SLC60A1: variants seen among roughly 807,000 people sequenced by gnomAD.
SLC60A1 encodes major facilitator superfamily domain containing 4.
chr1:205,592,164 G>A, the SLC60A1 span: 5 of 1,614,122 alleles, frequency 3.1e-6, no homozygotes, highest in South Asian at 1.1e-5. Flanking sequence ...GACGTTCCTG[G>A]TGCTGCTTAT....
the SLC60A1 span, chr1:205,579,918 T>C: frequency 6.2e-7 from 1 of 1,614,080 alleles, no homozygotes; most frequent in Non-Finnish European, 8.5e-7. Flanking sequence ...CTGGTAAGGA[T>C]GTACCAGAAG....
At chr1:205,584,260 C>T in the SLC60A1 span, 4,469 of 1,032,544 alleles carry the variant, frequency 4.3e-3, 92 homozygotes, top group Admixed American at 0.053. Flanking sequence ...TCACTCTCGT[C>T]GCCCAGGCTG....
chr1:205,582,105 C>T, the SLC60A1 span, among the ~76,000 whole-genome samples: 2 of 152,246 alleles, frequency 1.3e-5, no homozygotes. Context: ...CTGCTCCTTC[C>T]CTTTTCAGCC....
At chr1:205,598,480 C>G in the SLC60A1 span, 2 of 153,020 alleles carry the variant, frequency 1.3e-5, no homozygotes, top group Non-Finnish European at 2.9e-5. Context: ...CTTCCAGAAA[C>G]TGACAGAGAG....
the SLC60A1 span, chr1:205,599,086 G>T: frequency 1.2e-6 from 2 of 1,610,584 alleles, no homozygotes; most frequent in Non-Finnish European, 1.7e-6. Flanking sequence ...CACCTTCCAC[G>T]TGAAGTTTTA....
chr1:205,579,962 A>G, the SLC60A1 span: 3 of 1,609,694 alleles, frequency 1.9e-6, no homozygotes, highest in Non-Finnish European at 2.5e-6. Flanking sequence ...AAGCCCGGCC[A>G]GCAGGCACAG....
chr1:205,602,134 G>C, the SLC60A1 span: 1 of 152,216 alleles, frequency 6.6e-6, no homozygotes, highest in Admixed American at 6.5e-5. Flanking sequence ...TAGAGTAACT[G>C]TATAATGGTT....
chr1:205,594,996 T>TGAG, the SLC60A1 span: 6 of 152,246 alleles, frequency 3.9e-5, no homozygotes, highest in East Asian at 1.2e-3. Context: ...CACCTAGAGG[T>TGAG]GAGGACCATG....
chr1:205,569,106 C>T, the SLC60A1 span: 10 of 1,517,686 alleles, frequency 6.6e-6, no homozygotes, highest in Admixed American at 1.9e-4. Flanking sequence ...GCTGCTCCGC[C>T]GCAACCTGCA....
chr1:205,583,007 C>T, the SLC60A1 span, among the ~76,000 whole-genome samples: 5 of 152,204 alleles, frequency 3.3e-5, no homozygotes, highest in African/African-American at 1.2e-4. Flanking sequence ...TAGCTGGGCG[C>T]TCTCACCAGC....
chr1:205,594,994 G>C, the SLC60A1 span: 1 of 152,208 alleles, frequency 6.6e-6, no homozygotes, highest in Non-Finnish European at 1.5e-5. Context: ...TGCACCTAGA[G>C]GTGAGGACCA....
the SLC60A1 span, chr1:205,569,402 C>G: frequency 1.2e-6 from 1 of 810,972 alleles, no homozygotes; most frequent in Non-Finnish European, 1.6e-6. Context: ...TCCCCCGGCC[C>G]CGTGGGGCTG....
At chr1:205,580,080 G>A in the SLC60A1 span, 1 of 983,882 alleles carries the variant, frequency 1.0e-6, no homozygotes, top group Admixed American at 2.6e-5. The surrounding 1 kb of genome is among the most constrained non-coding windows in gnomAD (Gnocchi z 5.0). Context: ...TCTAGACTCG[G>A]TTTTCCCATC....
the SLC60A1 span, chr1:205,592,328 C>T: frequency 6.4e-7 from 1 of 1,563,502 alleles, no homozygotes; most frequent in East Asian, 2.3e-5. Flanking sequence ...CTCTATCTAG[C>T]TGGGCGCCGC....
chr1:205,592,157 G>T, the SLC60A1 span: 12 of 1,614,126 alleles, frequency 7.4e-6, no homozygotes, highest in Non-Finnish European at 8.5e-6. Context: ...TGGTGGTGAC[G>T]TTCCTGGTGC....
At chr1:205,570,630 T>A in the SLC60A1 span, among the ~76,000 whole-genome samples, 1 of 152,210 alleles carries the variant, frequency 6.6e-6, no homozygotes, top group East Asian at 1.9e-4. Flanking sequence ...ACCAAATTAT[T>A]CTCTTCTTAA....
chr1:205,582,907 C>A, the SLC60A1 span, among the ~76,000 whole-genome samples: 1 of 152,192 alleles, frequency 6.6e-6, no homozygotes, highest in East Asian at 1.9e-4. Context: ...CAGGGAAGGG[C>A]TCCCCCAGAA....
chr1:205,586,182 C>T, the SLC60A1 span: 2 of 1,613,318 alleles, frequency 1.2e-6, no homozygotes, highest in African/African-American at 2.7e-5. Flanking sequence ...AGAATGAAGC[C>T]GGCCACCATG....
the SLC60A1 span, among the ~76,000 whole-genome samples, chr1:205,576,968 C>T: frequency 7.2e-5 from 11 of 152,128 alleles, no homozygotes; most frequent in Admixed American, 1.3e-4. Flanking sequence ...CTCCCTTTTC[C>T]GTCTTTTCTC....
Sources: allele counts gnomAD v4.1 joint callset (sites outside exome capture counted in the v4.1 genomes callset), GRCh38; gene constraint gnomAD v4.1.1; non-coding constraint Gnocchi (gnomAD v3.1); transcripts MANE v1.5; gene names NCBI Gene and HGNC (gene_info 2026-07-23, HGNC 2026-07-21).